The following CLDN18 variants were observed in gnomAD, a reference collection of about 807,000 sequenced individuals.
CLDN18 encodes claudin-18.
CLDN18 carries 20 observed loss-of-function variants against 25.0 expected under a neutral mutation model. That is an observed-to-expected ratio of 0.80 (90% CI 0.56 to 1.16). The LOEUF (loss-of-function observed/expected upper bound fraction) is 1.16. Ranked by LOEUF, CLDN18 falls within the 50% of genes most tolerant of loss-of-function variation. The pLI is 0.00. For missense variants in CLDN18, 297 were observed against 345.4 expected (o/e 0.86, Z 1.11); for synonymous variants, 125 against 135.6 (o/e 0.92, Z 0.54).
At chr3:138,028,760 A>G (rs1942355839) in intron 3 of CLDN18, among the ~76,000 whole-genome samples, 3 of 152,206 alleles carry the variant, frequency 2.0e-5, no homozygotes, top group Admixed American at 2.0e-4. Flanking sequence ...TTTGTTCCCA[A>G]TCCTGATCTG....
In CLDN18 at chr3:138,010,198, G is replaced by C. The variant is rs1011897932; in HGVS notation, c.-28G>C. ...GGCAGCAGGAGGGCGGCAGCTTCTC[G>C]CAGGCGGCAGGGCGGGCGGCCAGGA... On this transcript the variant is annotated 5_prime_UTR_variant, in exon 1 of 5. Transcript: ENST00000183605. The C allele has an allele frequency of 6.2e-7, 1 of 1,604,666 alleles. No individual in the cohort carries two copies. The highest frequency in any genetic ancestry group is 1.3e-5 in the African/African-American group (1 of 74,752).
intron 1 of CLDN18, among the ~76,000 whole-genome samples, chr3:138,014,863 T>A (rs908914537): frequency 1.3e-5 from 2 of 151,986 alleles, no homozygotes; most frequent in Admixed American, 6.6e-5. Flanking sequence ...AGTGGTGACT[T>A]ACCCCTGTAA....
chr3:138,003,340 G>T (rs1165460596), intron 1 of CLDN18, among the ~76,000 whole-genome samples: 4 of 152,144 alleles, frequency 2.6e-5, no homozygotes, highest in African/African-American at 4.8e-5. Context: ...GAAAGGGAAG[G>T]CTTCCAAAAG....
chr3:138,003,034 A>G (rs1423346155), intron 1 of CLDN18, among the ~76,000 whole-genome samples: 3 of 152,190 alleles, frequency 2.0e-5, no homozygotes, highest in Non-Finnish European at 4.4e-5. Flanking sequence ...AGGGCTCATA[A>G]ATCTAGGAAG....
chr3:138,006,993 C>T (rs1050842671), upstream of CLDN18, among the ~76,000 whole-genome samples: 1 of 152,044 alleles, frequency 6.6e-6, no homozygotes, highest in Non-Finnish European at 1.5e-5. Context: ...GGGGAATTGC[C>T]ATAGATGAAA....
exon 1 of CLDN18, chr3:137,998,996 T>C (rs768072855): frequency 6.2e-7 from 1 of 1,614,126 alleles, no homozygotes; most frequent in Non-Finnish European, 8.5e-7. Flanking sequence ...GTAACAGCTG[T>C]TTTCAACTAC....
chr3:138,025,744 T>TTA (rs1942319719), intron 3 of CLDN18, among the ~76,000 whole-genome samples: 1 of 152,158 alleles, frequency 6.6e-6, no homozygotes, highest in Admixed American at 6.5e-5. Flanking sequence ...ACTTTCCCAG[T>TTA]TTTAGCATTA....
At chr3:138,005,439 C>T (rs944653340), upstream of CLDN18, among the ~76,000 whole-genome samples, 1 of 151,984 alleles carries the variant, frequency 6.6e-6, no homozygotes, top group Admixed American at 6.6e-5. Flanking sequence ...CTCCCTGTGC[C>T]CATATGTTCT....
intron 1 of CLDN18, 99 bp from the exon 2 acceptor site, chr3:138,023,559 A>T (rs1298238017): frequency 1.7e-6 from 2 of 1,148,800 alleles, no homozygotes; most frequent in Admixed American, 2.1e-5. Flanking sequence ...GGTTTGGTGC[A>T]GGTTAGTTGT....
intron 1 of CLDN18, among the ~76,000 whole-genome samples, chr3:137,999,520 T>A (rs1941993205): frequency 6.6e-6 from 1 of 152,142 alleles, no homozygotes; most frequent in Non-Finnish European, 1.5e-5. Flanking sequence ...TGAACTCAGC[T>A]TCCAGGGACA....
intron 3 of CLDN18, among the ~76,000 whole-genome samples, chr3:138,028,746 A>T (rs1238156880): frequency 6.6e-6 from 1 of 152,168 alleles, no homozygotes; most frequent in Non-Finnish European, 1.5e-5. Flanking sequence ...TTTTCTCAGG[A>T]GATTTTGTTC....
intron 1 of CLDN18, among the ~76,000 whole-genome samples, chr3:138,022,027 C>A (rs1283357964): frequency 6.6e-6 from 1 of 152,070 alleles, no homozygotes. Flanking sequence ...TGTATGTGGA[C>A]CATAGGAAAA....
intron 1 of CLDN18, among the ~76,000 whole-genome samples, chr3:138,010,960 T>C (rs1357635735): frequency 6.6e-6 from 1 of 152,334 alleles, no homozygotes; most frequent in Non-Finnish European, 1.5e-5. Flanking sequence ...ATCCTTTTGC[T>C]GCATTTGTAT....
At chr3:137,999,149 G>C (rs6764398) in intron 1 of CLDN18, 392,387 of 1,465,402 alleles carry the variant, frequency 0.27, 53,568 homozygotes, top group Admixed American at 0.34. Context: ...GAAACTGCAG[G>C]CTCTGTCTGG....
At chr3:138,005,547 G>A (rs1341077445), upstream of CLDN18, among the ~76,000 whole-genome samples, 1 of 152,102 alleles carries the variant, frequency 6.6e-6, no homozygotes, top group African/African-American at 2.4e-5. Flanking sequence ...CTTCATCCAT[G>A]TCCCTGCAAA....
At chr3:138,018,184 A>G (rs1942230703) in intron 1 of CLDN18, among the ~76,000 whole-genome samples, 1 of 152,186 alleles carries the variant, frequency 6.6e-6, no homozygotes, top group African/African-American at 2.4e-5. Context: ...ATTTATTCTC[A>G]CAGTTCTGGA....
chr3:138,006,750 T>A (rs1220549985), upstream of CLDN18, among the ~76,000 whole-genome samples: 1 of 152,230 alleles, frequency 6.6e-6, no homozygotes, highest in Non-Finnish European at 1.5e-5. Context: ...CACATCAGTA[T>A]TTATTTCACA....
upstream of CLDN18, among the ~76,000 whole-genome samples, chr3:138,006,237 C>CA (rs1335086832): frequency 4.6e-5 from 7 of 152,054 alleles, no homozygotes; most frequent in Non-Finnish European, 1.0e-4. Context: ...ATAGATGTGT[C>CA]AATTATTTTT....
chr3:138,004,875 GA>G (rs1401353894), intron 1 of CLDN18: 1 of 151,640 alleles, frequency 6.6e-6, no homozygotes, highest in Non-Finnish European at 1.5e-5. Flanking sequence ...AATAGTGGAA[GA>G]AAACACAAAG....
Sources: allele counts gnomAD v4.1 joint callset (sites outside exome capture counted in the v4.1 genomes callset), GRCh38; gene constraint gnomAD v4.1.1; transcripts MANE v1.5; gene names NCBI Gene and HGNC (gene_info 2026-07-23, HGNC 2026-07-21).